The following KRT83 variants were observed in gnomAD, a reference collection of about 807,000 sequenced individuals.
KRT83 encodes keratin, type II cuticular Hb3.
In KRT83, 51 loss-of-function variants were observed where a neutral mutation model predicts 52.9. The observed-to-expected ratio is 0.96, with a 90% CI of 0.77 to 1.22. KRT83 has a LOEUF of 1.22. Ranked by LOEUF, KRT83 falls within the 50% of genes most tolerant of loss-of-function variation. The pLI is 0.00. For missense variants in KRT83, 654 were observed against 666.5 expected (o/e 0.98, Z 0.21); for synonymous variants, 278 against 274.1 (o/e 1.01, Z -0.14).
In KRT83 at chr12:52,319,231, C is replaced by T. The variant is rs1246562994; in HGVS notation, c.518G>A (p.Cys173Tyr). The T allele has an allele frequency of 1.9e-6, 3 of 1,613,792 alleles. No homozygotes were observed. The highest frequency in any genetic ancestry group is 2.2e-5 in the South Asian group (2 of 91,058). ...CAGCCTCCCACTGTCAGCCTCCACGCACTCGGCCTCCCGCCGCAGAGTCTC... is the reference window on the plus strand; with the variant it reads ...CAGCCTCCCACTGTCAGCCTCCACGTACTCGGCCTCCCGCCGCAGAGTCTC... ...YIETLRREAE[C>Y]VEADSGRLAS... Residue 173 changes from cysteine (C) to tyrosine (Y), a missense_variant, in exon 2 of 9, where the codon TGC becomes TAC. Physicochemically the swap from Cys to Tyr is radical, Grantham distance 194 (BLOSUM62 -2). Coordinates refer to ENST00000293670, the MANE Select transcript of KRT83 (RefSeq NM_002282.3).
At chr12:52,316,689 T>C (rs1687450176) in intron 5 of KRT83, 96 bp from the exon 6 acceptor site, 2 of 1,604,384 alleles carry the variant, frequency 1.2e-6, no homozygotes, top group Non-Finnish European at 8.5e-7. Flanking sequence ...GTGCTCGGCC[T>C]GTGCAACCAC....
rs1014118608 is a variant in KRT83, at chr12:52,321,361, A to C, written c.-26T>G. ...GACGGAGGTTAGGAGGTGTCTGAACAGTGGAGTAGATGGCAGAGGATGGAA... is the reference window on the plus strand; with the variant it reads ...GACGGAGGTTAGGAGGTGTCTGAACCGTGGAGTAGATGGCAGAGGATGGAA... On this transcript the variant is annotated 5_prime_UTR_variant, in exon 1 of 9. Transcript: ENST00000293670. 1.2e-6 allele frequency: 2 copies of C among 1,613,556 alleles called. No individual in the cohort carries two copies. Among genetic ancestry groups the C allele is most frequent in the Non-Finnish European group, 1.7e-6 (2 of 1,179,972 alleles).
chr12:52,320,747 T>C (rs1027244995), intron 1 of KRT83, among the ~76,000 whole-genome samples: 2 of 152,170 alleles, frequency 1.3e-5, no homozygotes, highest in African/African-American at 4.8e-5. Flanking sequence ...GCTTTTGTGT[T>C]TTCAGTTAAT....
rs147993280 is a variant in KRT83, at chr12:52,314,745, G to T, written c.1368C>A (p.Ser456Arg). ...TCCCGTTGCAGGGGGCACTGCAGAC[G>T]CTGCCCGTCACCGGCCGGGAGCCCG... ...CVSGSRPVTG[S>R]VCSAPCNGNL... is the part of the protein sequence containing the mutation. The change falls in exon 9 of 9, where the codon AGC becomes AGA. Residue 456 changes from serine (S) to arginine (R), a missense_variant. Transcript: ENST00000293670. 3.1e-6 allele frequency: 5 copies of T among 1,598,020 alleles called. No homozygotes were observed. In the East Asian group the frequency reaches 6.8e-5, roughly 22 times the overall value.
chr12:52,321,201 GC>G lies in KRT83; in HGVS notation c.134del (p.Gly45AlafsTer56). ...TGTGGCTGCCAAAGCCCCCGGTGAG[GC>G]CGCGGTAGCAGGAGATGCCGCGGTA... ...APYRGISCYRGLTGGFGSHSV... is the reference protein window; with the variant it reads ...APYRGISCYRXLTGGFGSHSV... On this transcript the variant is annotated frameshift_variant, in exon 1 of 9. Transcript: ENST00000293670. LOFTEE classifies it high-confidence loss of function. 4 of 1,613,118 alleles carry G rather than the reference GC, an allele frequency of 2.5e-6. No individual in the cohort carries two copies. The highest frequency in any genetic ancestry group is 2.5e-6 in the Non-Finnish European group (3 of 1,179,544).
At chr12:52,319,400 T>C in intron 1 of KRT83, 36 bp from the exon 2 acceptor site, 3 of 1,604,806 alleles carry the variant, frequency 1.9e-6, no homozygotes, top group Non-Finnish European at 2.5e-6. Flanking sequence ...AACCTCTTCT[T>C]GCAGCATCAG....
At chr12:52,314,893 T>A (rs765229332) in intron 8 of KRT83, 75 bp from the exon 9 acceptor site, 2 of 1,400,746 alleles carry the variant, frequency 1.4e-6, no homozygotes, top group Non-Finnish European at 2.0e-6. Flanking sequence ...TTGGTCTGTC[T>A]GATGTGTCGA....
chr12:52,320,153 T>A (rs1389313717), intron 1 of KRT83, among the ~76,000 whole-genome samples: 2 of 142,322 alleles, frequency 1.4e-5, no homozygotes, highest in Non-Finnish European at 3.1e-5. Context: ...TCTCATGCTA[T>A]TAGAAATTCC....
chr12:52,317,824 CTG>C (rs1462620671), intron 3 of KRT83, 48 bp from the exon 4 acceptor site: 1 of 1,612,810 alleles, frequency 6.2e-7, no homozygotes, highest in East Asian at 2.2e-5. Flanking sequence ...TCAGAGGGCT[CTG>C]AGGACCTGGC....
rs146915800 is a variant in KRT83, at chr12:52,319,354, A to G, written c.395T>C (p.Leu132Pro). ...FAAFIDKVRF[L>P]EQQNKLLETK... is the part of the protein sequence containing the mutation. The stretch of plus-strand genomic sequence containing the variant: ...CTCCAGCAGCTTGTTCTGCTGCTCC[A>G]GGAAGCGCACCTGCCACCCAGAGGC... The change falls in exon 2 of 9, where the codon CTG (leucine) becomes CCG (proline). Residue 132 changes from leucine (L) to proline (P), a missense_variant. Leu to Pro is a moderately conservative substitution (Grantham distance 98). Transcript: ENST00000293670. 6.2e-7 allele frequency: 1 copy of G among 1,613,918 alleles called. No homozygotes were observed. Among genetic ancestry groups the G allele is most frequent in the African/African-American group, 1.3e-5 (1 of 74,936 alleles).
chr12:52,318,115 G>T (rs1938715269), intron 2 of KRT83, 145 bp from the exon 3 acceptor site: 1 of 777,084 alleles, frequency 1.3e-6, no homozygotes. Context: ...GCAGGAACCA[G>T]GCTGCTGGCC....
rs1347239365 is a variant in KRT83 at position 52,317,990 on chromosome 12, C to G, written c.594-20G>C. ...TCATACCTGAGGTGAGCAGGGAGAA[C>G]AGGACCTTGTCTGAACAGCTCTTGA... On this transcript the variant is annotated intron_variant, in intron 2 of 8. Coordinates refer to ENST00000293670, the MANE Select transcript of KRT83 (RefSeq NM_002282.3). The G allele has an allele frequency of 1.2e-6, 2 of 1,611,448 alleles. No homozygotes were observed. The highest frequency in any genetic ancestry group is 1.7e-6 in the Non-Finnish European group (2 of 1,177,866).
Position 52,321,227 on chromosome 12 carries a change from A to AG in KRT83, c.108dup (p.Tyr37LeufsTer119), listed in dbSNP as rs757758399. On this transcript the variant is annotated frameshift_variant, in exon 1 of 9. Coordinates refer to ENST00000293670, the MANE Select transcript of KRT83 (RefSeq NM_002282.3). LOFTEE classifies it high-confidence loss of function. ...CCGCGGTAGCAGGAGATGCCGCGGT[A>AG]GGGGGCGGCGGTGATGCAGCAGCGG... is the stretch of plus-strand genomic sequence containing the variant. 1 of 1,613,468 alleles carries AG rather than the reference A, an allele frequency of 6.2e-7. No individual in the cohort carries two copies. Among genetic ancestry groups the AG allele is most frequent in the Non-Finnish European group, 8.5e-7 (1 of 1,179,836 alleles).
rs1479767899 is a variant in KRT83, at chr12:52,321,105, T to C, written c.231A>G (p.Gly77=). 1.1e-5 allele frequency: 18 copies of C among 1,612,246 alleles called. No homozygotes were observed. The highest frequency in any genetic ancestry group is 8.3e-5 in the Admixed American group (5 of 60,022). ...CGGTGGTGATGCATGGGGGGCTGGG[T>C]CCGCACACGCCCCCGGAGCGGTAGC... is the stretch of plus-strand genomic sequence containing the variant. ...SFGYRSGGVC[G]PSPPCITTVS... is the part of the protein sequence containing the mutation. The change falls in exon 1 of 9, where the codon GGA becomes GGG. Residue 77 remains glycine (G), a synonymous_variant. Transcript: ENST00000293670.
rs148519033 is a variant in KRT83 at position 52,316,021 on chromosome 12, G to A, written c.1134C>T (p.Gly378=). Residue 378 remains glycine, a synonymous_variant, in exon 7 of 9, where the codon GGC becomes GGT. Coordinates refer to ENST00000293670, the MANE Select transcript of KRT83 (RefSeq NM_002282.3). The stretch of plus-strand genomic sequence containing the variant: ...TGTCTTGCTTGGCCTTCTGCAGGGC[G>A]CCCTCCAGCTCGGCCAGCTTGCAGC... ...DARCKLAELE[G]ALQKAKQDMA... 46 of 1,613,308 alleles carry A rather than the reference G, an allele frequency of 2.9e-5. No homozygotes were observed. The highest frequency in any genetic ancestry group is 1.8e-4 in the Middle Eastern group (1 of 5,578).
chr12:52,317,141 C>A (rs2121341822), intron 4 of KRT83, 118 bp from the exon 5 acceptor site: 2 of 1,288,106 alleles, frequency 1.6e-6, no homozygotes, highest in South Asian at 2.5e-5. Context: ...AGAAACAAAC[C>A]TGATGAAATC....
At chr12:52,315,447 C>A (rs549663196) in intron 7 of KRT83, 104 bp from the exon 8 acceptor site, 2 of 1,183,072 alleles carry the variant, frequency 1.7e-6, no homozygotes, top group Non-Finnish European at 2.5e-6. Flanking sequence ...CTATTTCTGA[C>A]CTACATTTAT....
chr12:52,317,071 C>T (rs1938699856), intron 4 of KRT83, 48 bp from the exon 5 acceptor site: 1 of 1,613,140 alleles, frequency 6.2e-7, no homozygotes, highest in Non-Finnish European at 8.5e-7. Context: ...CTGGGCTTCT[C>T]CTAATCCCTG....
chr12:52,317,253 G>A (rs766467309), intron 4 of KRT83, among the ~76,000 whole-genome samples: 1 of 152,208 alleles, frequency 6.6e-6, no homozygotes, highest in Non-Finnish European at 1.5e-5. Context: ...CAGCCAGCAT[G>A]GTCCAGATGC....
Sources: gnomAD v4.1 joint callset for allele counts (sites outside exome capture counted in the v4.1 genomes callset) on GRCh38, gnomAD v4.1.1 for gene constraint, MANE v1.5 for transcripts, NCBI Gene and HGNC (gene_info 2026-07-23, HGNC 2026-07-21) for gene names.